Variants in CHAF1A observed in about 807,000 individuals in gnomAD.
CHAF1A encodes the protein CAF-1 subunit A.
CHAF1A carries 5 observed loss-of-function variants against 93.2 expected under a neutral mutation model. That is an observed-to-expected ratio of 0.05 (90% confidence interval 0.03 to 0.11). The LOEUF is 0.11. CHAF1A is among the 10% of genes least tolerant of loss of function. The pLI, the probability that CHAF1A is intolerant of heterozygous loss-of-function variation, is 1.00. For synonymous variants in CHAF1A, 504 were observed against 510.3 expected, an observed-to-expected ratio of 0.99 and a Z score of 0.17; for missense variants, 1,102 against 1,259.9, an observed-to-expected ratio of 0.87 and a Z score of 1.90.
In CHAF1A at chr19:4,433,176, C is replaced by T. The variant is rs746202420; in HGVS notation, c.2310C>T (p.Thr770=). ...HCRRGLLSNH[T]GSPRSPSTTY... Reference sequence around the variant, plus strand: ...GCCGGGGACTGCTCAGCAACCACACCGGCAGCCCGCGGAGCCCCTCCACCA... The same window carrying T: ...GCCGGGGACTGCTCAGCAACCACACTGGCAGCCCGCGGAGCCCCTCCACCA... Residue 770 remains threonine (T), a synonymous_variant, in exon 13 of 15, where the codon ACC becomes ACT. Coordinates refer to ENST00000301280, the MANE Select transcript of CHAF1A (RefSeq NM_005483.3). This position sits in a 1 kb window ranked among gnomAD's most constrained non-coding sequence, Gnocchi z 5.6. 21 of 1,613,508 alleles carry T rather than the reference C, an allele frequency of 1.3e-5. No homozygotes were observed. The highest frequency in any genetic ancestry group is 5.5e-5 in the South Asian group (5 of 91,082).
chr19:4,437,885 GC>G (rs1235840637), intron 13 of CHAF1A, among the ~76,000 whole-genome samples: 34 of 152,010 alleles, frequency 2.2e-4, no homozygotes, highest in Non-Finnish European at 2.9e-5. Context: ...GACTACAGGC[GC>G]CCACCACCAC....
intron 10 of CHAF1A, 131 bp downstream of exon 10, chr19:4,429,919 T>A: frequency 1.3e-6 from 1 of 774,742 alleles, no homozygotes; most frequent in Non-Finnish European, 2.1e-6. Flanking sequence ...TGCTGTGTGG[T>A]CTGAAACCTG....
chr19:4,439,094 C>G (rs147520115), intron 13 of CHAF1A, among the ~76,000 whole-genome samples: 2,967 of 152,030 alleles, frequency 0.02, 36 homozygotes, highest in Middle Eastern at 0.024. Context: ...ACCAGCCTGG[C>G]CGACATGGTG....
Position 4,402,787 on chromosome 19 carries a change from G to T in CHAF1A, c.25G>T (p.Ala9Ser), listed in dbSNP as rs1973606729. 31 of 1,205,194 alleles carry T rather than the reference G, an allele frequency of 2.6e-5. No individual in the cohort carries two copies. Among genetic ancestry groups the T allele is most frequent in the Non-Finnish European group, 3.1e-5 (30 of 970,806 alleles). The allele number at this position is 1,205,194 out of a possible 1,614,324, so 74.7% of individuals were successfully genotyped here. The change falls in exon 1 of 15, where the codon GCG becomes TCG. Residue 9 changes from alanine (A) to serine (S), a missense_variant. Transcript: ENST00000301280. ...GATGCTGGAGGAGCTGGAGTGCGGG[G>T]CGCCCGGCGCCAGGGGAGCCGCCAC... MLEELECG[A>S]PGARGAATAM...
At chr19:4,405,488 G>C (rs1973663637) in intron 1 of CHAF1A, among the ~76,000 whole-genome samples, 1 of 151,960 alleles carries the variant, frequency 6.6e-6, no homozygotes, top group African/African-American at 2.4e-5. Context: ...TGCGCCTGTA[G>C]TCCCAGCTAC....
At chr19:4,429,823 C>G in intron 10 of CHAF1A, 35 bp downstream of exon 10, 2 of 1,571,202 alleles carry the variant, frequency 1.3e-6, no homozygotes, top group South Asian at 2.3e-5. Flanking sequence ...CACTCACAGA[C>G]GGCTTGTGTT....
downstream of CHAF1A, chr19:4,445,205 T>G (rs967636097): frequency 1.0e-5 from 4 of 387,102 alleles, no homozygotes; most frequent in Non-Finnish European, 1.9e-5. Flanking sequence ...AGATGCCACG[T>G]GTGTCTGTCC....
chr19:4,409,357 G>A lies in CHAF1A; in HGVS notation c.558G>A (p.Glu186=), dbSNP rs1973746659. 1.9e-6 allele frequency: 3 copies of A among 1,614,148 alleles called. No homozygotes were observed. Among genetic ancestry groups the A allele is most frequent in the Non-Finnish European group, 2.5e-6 (3 of 1,180,018 alleles). The part of the protein sequence containing the change: ...LSDIPCKTEE[E]GVGCGGAGRR... ...ACATTCCTTGCAAAACAGAGGAGGAGGGTGTTGGCTGTGGAGGTGCAGGGA... is the reference window on the plus strand; with the variant it reads ...ACATTCCTTGCAAAACAGAGGAGGAAGGTGTTGGCTGTGGAGGTGCAGGGA... The change falls in exon 3 of 15, where the codon GAG becomes GAA. Residue 186 remains glutamate, a synonymous_variant. Coordinates refer to ENST00000301280, the MANE Select transcript of CHAF1A (RefSeq NM_005483.3).
downstream of CHAF1A, chr19:4,446,473 ACT>A (rs748075251): frequency 4.4e-6 from 7 of 1,594,414 alleles, no homozygotes; most frequent in East Asian, 1.1e-4. Flanking sequence ...GCCCCGCCCC[ACT>A]CTGCTCCGCG....
At position 4,408,955 on chromosome 19, in the gene CHAF1A, C is replaced by T. The variant is rs1235727135; in HGVS notation, c.156C>T (p.Asp52=). ...TTGTCCCAAAGGGGAAAGCCGATGA[C>T]ATGTCAGACGATCAGGGTACTTCTG... ...LNLVPKGKAD[D]MSDDQGTSVQ... The change falls in exon 3 of 15, where the codon GAC becomes GAT. Residue 52 remains aspartate, a synonymous_variant. Coordinates refer to ENST00000301280, the MANE Select transcript of CHAF1A (RefSeq NM_005483.3). The T allele has an allele frequency of 3.7e-6, 6 of 1,613,826 alleles. No homozygotes were observed. Among genetic ancestry groups the T allele is most frequent in the Non-Finnish European group, 5.1e-6 (6 of 1,179,956 alleles).
chr19:4,409,811 C>A, intron 3 of CHAF1A, 52 bp downstream of exon 3: 1 of 1,541,926 alleles, frequency 6.5e-7, no homozygotes, highest in Non-Finnish European at 8.8e-7. Flanking sequence ...GATCTCAGAG[C>A]GCTGTCAGTC....
chr19:4,441,014 A>C lies in CHAF1A; in HGVS notation c.2674-1231A>C, dbSNP rs1029178319. Among the ~76,000 whole-genome samples the C allele has an allele frequency of 6.3e-5, 9 of 142,632 alleles. No individual in the cohort carries two copies. The South Asian group carries it at 1.8e-3, about 29-fold the overall frequency. 93.6% of individuals were successfully genotyped at this position (142,632 alleles called of 152,430 possible). A position where few individuals can be genotyped will look rare whatever the true frequency, so the allele number is the denominator to read the frequency against. On this transcript the variant is annotated intron_variant, in intron 13 of 14. Coordinates refer to ENST00000301280, the MANE Select transcript of CHAF1A (RefSeq NM_005483.3). ...GGGCACCTGTTAAAAAAAAAAAAAAAGGCACAGCAAAAATATCGTTGCGGC... is the reference window on the plus strand; with the variant it reads ...GGGCACCTGTTAAAAAAAAAAAAAACGGCACAGCAAAAATATCGTTGCGGC...
At chr19:4,448,575 A>G (rs1974590219), downstream of CHAF1A, 4 of 648,544 alleles carry the variant, frequency 6.2e-6, no homozygotes, top group Admixed American at 2.6e-5. Flanking sequence ...ACCCTCCAAG[A>G]CCGCAGCCCT....
downstream of CHAF1A, chr19:4,445,896 C>G: frequency 7.7e-7 from 1 of 1,292,566 alleles, no homozygotes; most frequent in Non-Finnish European, 1.0e-6. Flanking sequence ...GGCCCTGCTG[C>G]CAGTAAGTGG....
chr19:4,429,407 G>A (rs766672966), intron 8 of CHAF1A, 31 bp from the exon 9 acceptor site: 32 of 1,609,306 alleles, frequency 2.0e-5, no homozygotes, highest in East Asian at 8.9e-5. Flanking sequence ...GTAAGGCAGC[G>A]TGATCCTGAG....
chr19:4,419,746 C>T (rs550202814), intron 4 of CHAF1A, among the ~76,000 whole-genome samples: 1 of 152,224 alleles, frequency 6.6e-6, no homozygotes, highest in African/African-American at 2.4e-5. Context: ...TTTATTTTTA[C>T]AGTTTATCTC....
Position 4,422,611 on chromosome 19 carries a change from G to A in CHAF1A, c.1063G>A (p.Glu355Lys). 2 of 1,585,420 alleles carry A rather than the reference G, an allele frequency of 1.3e-6. No homozygotes were observed. Among genetic ancestry groups the A allele is most frequent in the Non-Finnish European group, 1.7e-6 (2 of 1,165,994 alleles). The change falls in exon 5 of 15, where the codon GAA becomes AAA. Residue 355 changes from glutamate (E) to lysine (K), a missense_variant. Physicochemically the swap from Glu to Lys is moderately conservative, Grantham distance 56. Coordinates refer to ENST00000301280, the MANE Select transcript of CHAF1A (RefSeq NM_005483.3). The surrounding 1 kb of genome is among the most constrained non-coding windows in gnomAD (Gnocchi z 4.6). ...GCAGCTCAAGTTACGTGCAGAAAGG[G>A]AAGAAAAGGAGAAGCTGAAAGAGGA... ...GKQLKLRAER[E>K]EKEKLKEEAK...
rs763186130 is a variant in CHAF1A, at chr19:4,433,245, C to T, written c.2379C>T (p.Pro793=). Residue 793 remains proline, a synonymous_variant, in exon 13 of 15, where the codon CCC becomes CCT. Coordinates refer to ENST00000301280, the MANE Select transcript of CHAF1A (RefSeq NM_005483.3). The surrounding 1 kb of genome is among the most constrained non-coding windows in gnomAD (Gnocchi z 5.6). ...CCCCCAGCGAGGATGCCGCCATCCC[C>T]TCTAAGTCCCGGCTCAAGCGGCTCA... The part of the protein sequence containing the change: ...TPTPSEDAAI[P]SKSRLKRLIS... 1 of 1,614,222 alleles carries T rather than the reference C, an allele frequency of 6.2e-7. No homozygotes were observed. The highest frequency in any genetic ancestry group is 8.5e-7 in the Non-Finnish European group (1 of 1,180,042).
intron 13 of CHAF1A, among the ~76,000 whole-genome samples, chr19:4,440,907 C>T (rs1464152270): frequency 1.3e-5 from 2 of 150,864 alleles, no homozygotes; most frequent in Non-Finnish European, 2.9e-5. Context: ...ATCCTGAGGT[C>T]AGGAGTTCGA....
Sources: gnomAD v4.1 joint callset for allele counts (sites outside exome capture counted in the v4.1 genomes callset) on GRCh38, gnomAD v4.1.1 for gene constraint, Gnocchi (gnomAD v3.1) non-coding constraint, MANE v1.5 for transcripts, NCBI Gene and HGNC (gene_info 2026-07-23, HGNC 2026-07-21) for gene names.